Variants in EIF3A observed in about 807,000 individuals in gnomAD.
EIF3A encodes the protein eukaryotic translation initiation factor 3 subunit A, also known as EIF3, p180 subunit.
In EIF3A, 21 loss-of-function variants were observed where a neutral mutation model predicts 186.6. The observed-to-expected ratio is 0.11, with a 90% CI of 0.08 to 0.16. EIF3A has a LOEUF of 0.16. Among genes scored for constraint, EIF3A ranks in the 10% least tolerant of loss-of-function variants. The probability of loss-of-function intolerance (pLI) is 1.00; values close to 1 mark genes in which losing one functional copy is unlikely to be tolerated. For missense variants in EIF3A, 1,306 were observed against 1,796.3 expected (o/e 0.73, Z 4.93); for synonymous variants, 563 against 584.3 (o/e 0.96, Z 0.52).
intron 1 of EIF3A, among the ~76,000 whole-genome samples, chr10:119,080,007 A>C (rs564094320): frequency 2.0e-5 from 3 of 152,292 alleles, no homozygotes; most frequent in Admixed American, 6.5e-5. Flanking sequence ...AACAAAACAA[A>C]ACAACAGGAA....
chr10:119,057,732 G>A (rs971499808), intron 12 of EIF3A, among the ~76,000 whole-genome samples: 3 of 152,202 alleles, frequency 2.0e-5, no homozygotes, highest in South Asian at 2.1e-4. Context: ...CTGAGATCAC[G>A]TCACTGCACT....
intron 9 of EIF3A, 144 bp downstream of exon 9, chr10:119,060,602 T>C (rs1843869169): frequency 1.8e-6 from 1 of 555,566 alleles, no homozygotes; most frequent in Non-Finnish European, 3.1e-6. Flanking sequence ...AATTCTGATT[T>C]TCAAATTAAT....
intron 11 of EIF3A, among the ~76,000 whole-genome samples, chr10:119,058,622 G>A (rs533629365): frequency 1.3e-5 from 2 of 152,334 alleles, no homozygotes; most frequent in Admixed American, 6.5e-5. Flanking sequence ...TGGCTCATGC[G>A]TGTAACCCCA....
intron 7 of EIF3A, among the ~76,000 whole-genome samples, 164 bp downstream of exon 7, chr10:119,065,235 G>A (rs556831850): frequency 9.2e-5 from 14 of 152,214 alleles, no homozygotes; most frequent in East Asian, 5.8e-4. Flanking sequence ...ACCCACTGGC[G>A]CGGAACTGCC....
chr10:119,072,432 GGTTTTGTTTT>G (rs59846549), intron 4 of EIF3A, among the ~76,000 whole-genome samples: 78,031 of 149,940 alleles, frequency 0.52, 21,183 homozygotes, highest in Middle Eastern at 0.67. Context: ...CAGTCATTTT[GGTTTTGTTTT>G]GTTTTGTTTT....
In EIF3A at chr10:119,073,733, AG is replaced by A. The variant is rs771505384; in HGVS notation, c.240+13del. 2.5e-6 allele frequency: 4 copies of A among 1,586,806 alleles called. No individual in the cohort carries two copies. The South Asian group carries it at 4.6e-5, about 18-fold the overall frequency. Reference sequence around the variant, plus strand: ...AACACTTGTTAAAAATATACAACCCAGTTCCGTTTGTACCTGTTGACAAATG... The same window carrying A: ...AACACTTGTTAAAAATATACAACCCATTCCGTTTGTACCTGTTGACAAATG... On this transcript the variant is annotated intron_variant, in intron 2 of 21. Coordinates refer to ENST00000369144, the MANE Select transcript of EIF3A (RefSeq NM_003750.4).
rs983608574 is a variant in EIF3A, at chr10:119,033,820, T to C, written c.*2219A>G. On this transcript the variant is annotated 3_prime_UTR_variant, in exon 22 of 22. Transcript: ENST00000369144. ...CAGTCCTTTCATAGTACCCCAAGTATTTCAATTAGACTTATAAAAGTATAA... is the reference window on the plus strand; with the variant it reads ...CAGTCCTTTCATAGTACCCCAAGTACTTCAATTAGACTTATAAAAGTATAA... 1 of 166,864 alleles carries C rather than the reference T, an allele frequency of 6.0e-6. No individual in the cohort carries two copies. Among genetic ancestry groups the C allele is most frequent in the Non-Finnish European group, 1.5e-5 (1 of 68,096 alleles). The allele number at this position is 166,864 out of a possible 1,614,324, so 10.3% of individuals were successfully genotyped here. A position where few individuals can be genotyped will look rare whatever the true frequency, so the allele number is the denominator to read the frequency against.
intron 3 of EIF3A, among the ~76,000 whole-genome samples, 187 bp from the exon 4 acceptor site, chr10:119,073,240 C>T (rs533177830): frequency 3.9e-5 from 6 of 152,292 alleles, no homozygotes; most frequent in Admixed American, 3.3e-4. Flanking sequence ...TTGGTATTTG[C>T]CCCTCTATCT....
chr10:119,042,488 T>C lies in EIF3A; in HGVS notation c.3032A>G (p.His1011Arg), dbSNP rs1292348830. 1 of 1,614,092 alleles carries C rather than the reference T, an allele frequency of 6.2e-7. No individual in the cohort carries two copies. The highest frequency in any genetic ancestry group is 8.5e-7 in the Non-Finnish European group (1 of 1,180,056). The change falls in exon 19 of 22, where the codon CAT becomes CGT. Residue 1011 changes from histidine to arginine, a missense_variant. This residue lies in a region of EIF3A where 410 missense variants were observed against 473.5 expected (regional missense o/e 0.87). Transcript: ENST00000369144. This position sits in a 1 kb window ranked among gnomAD's most constrained non-coding sequence, Gnocchi z 7.8. ...TCTAGGTGGTCTGTCATCATCCGCA[T>C]GACGCCAGTTTCCCCTGTCTTCATC... Reference protein sequence around the residue: ...IADEDRGNWRHADDDRPPRRG... With the variant: ...IADEDRGNWRRADDDRPPRRG...
chr10:119,051,397 C>T, intron 14 of EIF3A, 76 bp from the exon 15 acceptor site: 1 of 1,413,210 alleles, frequency 7.1e-7, no homozygotes, highest in East Asian at 2.6e-5. Context: ...GAGAAATACT[C>T]TTGAAAAATT....
At chr10:119,060,144 C>G (rs1843861071) in intron 9 of EIF3A, 1 of 499,640 alleles carries the variant, frequency 2.0e-6, no homozygotes, top group South Asian at 1.5e-5. Flanking sequence ...TGCACAAATA[C>G]TGAGATGAAA....
At chr10:119,075,794 A>G (rs1844161440) in intron 1 of EIF3A, among the ~76,000 whole-genome samples, 2 of 136,568 alleles carry the variant, frequency 1.5e-5, no homozygotes, top group African/African-American at 2.7e-5. Flanking sequence ...GCTCACTGCA[A>G]GCTCCGCCTC....
rs1401546935 is a variant in EIF3A at position 119,038,349 on chromosome 10, T to C, written c.3617A>G (p.Glu1206Gly). Residue 1206 changes from glutamate to glycine, a missense_variant, in exon 20 of 22, where the codon GAA (glutamate) becomes GGA (glycine). By Grantham distance (98) the Glu-to-Gly change is moderately conservative. This residue lies in a region of EIF3A where 331 missense variants were observed against 365.8 expected (regional missense o/e 0.90). Transcript: ENST00000369144. ...RPSEEREWDR[E>G]KERDRDNQDR... is the part of the protein sequence containing the mutation. ...TTGATTATCTCTGTCCCTTTCTTTT[T>C]CTCTGTCCCATTCACGTTCTTCTGA... is the stretch of plus-strand genomic sequence containing the variant. 1.2e-6 allele frequency: 2 copies of C among 1,614,220 alleles called. No homozygotes were observed. Among genetic ancestry groups the C allele is most frequent in the Non-Finnish European group, 8.5e-7 (1 of 1,180,032 alleles).
At chr10:119,046,535 C>G (rs1848284653) in intron 17 of EIF3A, among the ~76,000 whole-genome samples, 1 of 152,124 alleles carries the variant, frequency 6.6e-6, no homozygotes, top group African/African-American at 2.4e-5. Context: ...GTGTAAATAT[C>G]TAGAAGCAAA....
chr10:119,058,577 G>T (rs1201647670), intron 11 of EIF3A, among the ~76,000 whole-genome samples: 2 of 152,200 alleles, frequency 1.3e-5, no homozygotes, highest in African/African-American at 4.8e-5. Flanking sequence ...TTCATTAACA[G>T]AGCTCACATA....
At chr10:119,074,389 C>T (rs964859234) in intron 1 of EIF3A, among the ~76,000 whole-genome samples, 5 of 151,906 alleles carry the variant, frequency 3.3e-5, no homozygotes. Flanking sequence ...CACTTGAACC[C>T]AGGAGGCGGA....
Position 119,042,104 on chromosome 10 carries a change from G to T in EIF3A, c.3416C>A (p.Pro1139His), listed in dbSNP as rs749516209. 1 of 1,614,158 alleles carries T rather than the reference G, an allele frequency of 6.2e-7. No homozygotes were observed. The highest frequency in any genetic ancestry group is 8.5e-7 in the Non-Finnish European group (1 of 1,180,036). The change falls in exon 19 of 22, where the codon CCT (proline) becomes CAT (histidine). Residue 1139 changes from proline (P) to histidine (H), a missense_variant. Around this residue, in one of 8 missense-constraint regions of EIF3A, gnomAD observed 331 missense variants for 365.8 expected, o/e 0.90. Transcript: ENST00000369144. The surrounding 1 kb of genome is among the most constrained non-coding windows in gnomAD (Gnocchi z 7.8). ...PRRGAEDDRG[P>H]WRNMDDDRLS... The stretch of plus-strand genomic sequence containing the variant: ...GCGATCATCATCCATGTTTCTCCAA[G>T]GGCCCCTGTCATCCTCTGCACCACG...
At chr10:119,064,113 T>G (rs750282744) in intron 7 of EIF3A, among the ~76,000 whole-genome samples, 2 of 152,128 alleles carry the variant, frequency 1.3e-5, no homozygotes, top group Non-Finnish European at 2.9e-5. Context: ...GGCTCCACAC[T>G]CTAAAACTTT....
In EIF3A at chr10:119,080,723, G is replaced by T; in HGVS notation, c.-47C>A. The stretch of plus-strand genomic sequence containing the variant: ...CCCGGCGTCAGCGAACTCTCTAGTG[G>T]CCCGGGCCGGGAGAGGAGACGAAGG... On this transcript the variant is annotated 5_prime_UTR_variant, in exon 1 of 22. Transcript: ENST00000369144. 6.4e-7 allele frequency: 1 copy of T among 1,560,188 alleles called. No individual in the cohort carries two copies. Among genetic ancestry groups the T allele is most frequent in the East Asian group, 2.4e-5 (1 of 41,300 alleles).
Sources: allele counts gnomAD v4.1 joint callset (sites outside exome capture counted in the v4.1 genomes callset), GRCh38; gene constraint gnomAD v4.1.1; regional missense constraint gnomAD v4.1.1; non-coding constraint Gnocchi (gnomAD v3.1); transcripts MANE v1.5; gene names NCBI Gene and HGNC (gene_info 2026-07-23, HGNC 2026-07-21).